The following SARM1 variants were observed in gnomAD, a reference collection of about 807,000 sequenced individuals.
SARM1 encodes sterile alpha and TIR motif containing 1, also known as NAD(+) hydrolase SARM1.
A neutral mutation model predicts 65.1 loss-of-function variants in SARM1; 60 were observed. The observed-to-expected ratio is 0.92, with a 90% CI of 0.75 to 1.14. The LOEUF (loss-of-function observed/expected upper bound fraction) is 1.14, where lower values mean the gene tolerates loss of function less well. Ranked by LOEUF, SARM1 falls within the 50% of genes most tolerant of loss-of-function variation. SARM1 has a pLI of 0.00. For missense variants in SARM1, 913 were observed against 1,015.7 expected, an observed-to-expected ratio of 0.90 and a Z score of 1.37; for synonymous variants, 417 against 465.4, an observed-to-expected ratio of 0.90 and a Z score of 1.34.
Position 28,398,526 on chromosome 17 carries a change from A to C in SARM1, c.*2240A>C, listed in dbSNP as rs1482827062. ...GGACTCAGAAGTGGCCTTTCCTCCA[A>C]AGCCTGCTCAGACACAGGTCTGTAG... is the stretch of plus-strand genomic sequence containing the variant. On this transcript the variant is annotated 3_prime_UTR_variant, in exon 9 of 9. Transcript: ENST00000585482. 6.6e-6 allele frequency: 1 copy of C among 152,190 alleles called. No individual in the cohort carries two copies. Among genetic ancestry groups the C allele is most frequent in the Non-Finnish European group, 1.5e-5 (1 of 68,084 alleles). 9.4% of individuals were successfully genotyped at this position (152,190 alleles called of 1,614,324 possible).
chr17:28,384,714 C>A lies in SARM1; in HGVS notation c.1303-125C>A. 1 of 1,204,240 alleles carries A rather than the reference C, an allele frequency of 8.3e-7. No individual in the cohort carries two copies. The highest frequency in any genetic ancestry group is 1.5e-5 in the African/African-American group (1 of 66,644). 74.6% of individuals were successfully genotyped at this position (1,204,240 alleles called of 1,614,324 possible). On this transcript the variant is annotated intron_variant, in intron 3 of 8. Transcript: ENST00000585482. This position sits in a 1 kb window ranked among gnomAD's most constrained non-coding sequence, Gnocchi z 4.4. ...CTGTACGCAGCCACCGTTAGGGTCACTCGGCTCTGATCTAGGTCCCATCCG... is the reference window on the plus strand; with the variant it reads ...CTGTACGCAGCCACCGTTAGGGTCAATCGGCTCTGATCTAGGTCCCATCCG...
rs1555585716 is a variant in SARM1, at chr17:28,384,793, AGGGC to A, written c.1303-43_1303-40del. 6.6e-7 allele frequency: 1 copy of A among 1,512,118 alleles called. No individual in the cohort carries two copies. The highest frequency in any genetic ancestry group is 1.4e-5 in the African/African-American group (1 of 72,242). 93.7% of individuals were successfully genotyped at this position (1,512,118 alleles called of 1,614,324 possible). On this transcript the variant is annotated intron_variant, in intron 3 of 8. Coordinates refer to ENST00000585482, the MANE Select transcript of SARM1 (RefSeq NM_015077.4). The surrounding 1 kb of genome is among the most constrained non-coding windows in gnomAD (Gnocchi z 4.4). Reference sequence around the variant, plus strand: ...CCTTGCATCTTGTGCTCGAGGTCCAAGGGCGGAGTAGCGAAGCCCTTCCTGACAC... The same window carrying A: ...CCTTGCATCTTGTGCTCGAGGTCCAAGGAGTAGCGAAGCCCTTCCTGACAC...
chr17:28,395,883 CTCCTT>C lies in SARM1; in HGVS notation c.1924-14_1924-10del. 1.2e-6 allele frequency: 2 copies of C among 1,612,830 alleles called. No individual in the cohort carries two copies. Among genetic ancestry groups the C allele is most frequent in the Non-Finnish European group, 1.7e-6 (2 of 1,179,854 alleles). On this transcript the variant is annotated splice_polypyrimidine_tract_variant and intron_variant, in intron 7 of 8. Transcript: ENST00000585482. ...CCTAGATGGGTACAGGGGTATCTTC[CTCCTT>C]TCCTTTCTTTCTCCAGGAGATTGTG...
chr17:28,384,394 G>T lies in SARM1; in HGVS notation c.1127G>T (p.Arg376Leu). 1 of 1,609,026 alleles carries T rather than the reference G, an allele frequency of 6.2e-7. No homozygotes were observed. Among genetic ancestry groups the T allele is most frequent in the South Asian group, 1.1e-5 (1 of 90,722 alleles). The stretch of plus-strand genomic sequence containing the variant: ...ATCGGCGCCATCCAGAGCCTGAAAC[G>T]CCTGGTTTCCTACTCTACCAATGGC... ...SDIGAIQSLKRLVSYSTNGTK... is the reference protein window; with the variant it reads ...SDIGAIQSLKLLVSYSTNGTK... Residue 376 changes from arginine (R) to leucine (L), a missense_variant, in exon 3 of 9, where the codon CGC becomes CTC. Transcript: ENST00000585482. The surrounding 1 kb of genome is among the most constrained non-coding windows in gnomAD (Gnocchi z 4.4).
At position 28,400,911 on chromosome 17, in the gene SARM1, C is replaced by T. The variant is rs371424638; in HGVS notation, c.*4625C>T. The T allele has an allele frequency of 1.5e-4, 111 of 750,316 alleles. No individual in the cohort carries two copies. Among genetic ancestry groups the T allele is most frequent in the African/African-American group, 1.4e-3 (84 of 58,078 alleles). The allele number at this position is 750,316 out of a possible 1,614,324, so 46.5% of individuals were successfully genotyped here. A position where few individuals can be genotyped will look rare whatever the true frequency, so the allele number is the denominator to read the frequency against. Reference sequence around the variant, plus strand: ...CCAGTAAATCCTGCTACATCATGTACTGTGACAAGGATTCAGTAAGGTCAT... The same window carrying T: ...CCAGTAAATCCTGCTACATCATGTATTGTGACAAGGATTCAGTAAGGTCAT... On this transcript the variant is annotated 3_prime_UTR_variant, in exon 9 of 9. Coordinates refer to ENST00000585482, the MANE Select transcript of SARM1 (RefSeq NM_015077.4).
At position 28,400,500 on chromosome 17, in the gene SARM1, A is replaced by G; in HGVS notation, c.*4214A>G. On this transcript the variant is annotated 3_prime_UTR_variant, in exon 9 of 9. Transcript: ENST00000585482. ...AGGGGCAACCTGGGACAAGACACCC[A>G]GAGGGTAAGGATTCCAGGAATGAAG... The G allele has an allele frequency of 2.8e-6, 4 of 1,428,058 alleles. No individual in the cohort carries two copies. Among genetic ancestry groups the G allele is most frequent in the Non-Finnish European group, 3.8e-6 (4 of 1,053,724 alleles). 88.5% of individuals were successfully genotyped at this position (1,428,058 alleles called of 1,614,324 possible). A position where few individuals can be genotyped will look rare whatever the true frequency, so the allele number is the denominator to read the frequency against.
At position 28,372,291 on chromosome 17, in the gene SARM1, G is replaced by A. The variant is rs998771132; in HGVS notation, c.259G>A (p.Ala87Thr). The stretch of plus-strand genomic sequence containing the variant: ...GCTGAAGCAGGCGGGCGGCGCGCGG[G>A]CCGTGGGCGCCGGCCTGGCCGAGGT... Reference protein sequence around the residue: ...SALKQAGGARAVGAGLAEVFQ... With the variant: ...SALKQAGGARTVGAGLAEVFQ... Residue 87 changes from alanine (A) to threonine (T), a missense_variant, in exon 1 of 9, where the codon GCC becomes ACC. Ala to Thr is a moderately conservative substitution (Grantham distance 58). Around this residue, in one of 3 missense-constraint regions of SARM1, gnomAD observed 862 missense variants for 952.1 expected, o/e 0.91. Transcript: ENST00000585482. This position sits in a 1 kb window ranked among gnomAD's most constrained non-coding sequence, Gnocchi z 5.2. 6 of 1,400,528 alleles carry A rather than the reference G, an allele frequency of 4.3e-6. No individual in the cohort carries two copies. The highest frequency in any genetic ancestry group is 3.0e-5 in the East Asian group (1 of 33,192). The allele number at this position is 1,400,528 out of a possible 1,614,324, so 86.8% of individuals were successfully genotyped here. A position where few individuals can be genotyped will look rare whatever the true frequency, so the allele number is the denominator to read the frequency against.
At chr17:28,381,857 T>C in intron 2 of SARM1, 36 bp downstream of exon 2, 1 of 1,401,340 alleles carries the variant, frequency 7.1e-7, no homozygotes, top group African/African-American at 1.5e-5. Context: ...GATCAGGGGT[T>C]AGAGAGCCTT....
rs2068168490 is a variant in SARM1, at chr17:28,399,432, C to T, written c.*3146C>T. ...CCAAATAGCTCCTCTGCCACCTGTC[C>T]TGCAGTGGGCCTGTGTGGGTTATGA... On this transcript the variant is annotated 3_prime_UTR_variant, in exon 9 of 9. Coordinates refer to ENST00000585482, the MANE Select transcript of SARM1 (RefSeq NM_015077.4). 1 of 573,188 alleles carries T rather than the reference C, an allele frequency of 1.7e-6. No individual in the cohort carries two copies. Among genetic ancestry groups the T allele is most frequent in the East Asian group, 2.9e-5 (1 of 34,278 alleles). The allele number at this position is 573,188 out of a possible 1,614,324, so 35.5% of individuals were successfully genotyped here.
rs922896886 is a variant in SARM1 at position 28,384,943 on chromosome 17, C to T, written c.1394+13C>T. ...TCACCCGCAAGAGGTACGGAGCCTC[C>T]TGCCCGCCGGACCCCAGCTAGGTCT... On this transcript the variant is annotated intron_variant, in intron 4 of 8. Coordinates refer to ENST00000585482, the MANE Select transcript of SARM1 (RefSeq NM_015077.4). This position sits in a 1 kb window ranked among gnomAD's most constrained non-coding sequence, Gnocchi z 4.4. The T allele has an allele frequency of 6.4e-7, 1 of 1,572,732 alleles. No homozygotes were observed. Among genetic ancestry groups the T allele is most frequent in the Non-Finnish European group, 8.6e-7 (1 of 1,158,816 alleles).
At position 28,399,713 on chromosome 17, in the gene SARM1, C is replaced by T; in HGVS notation, c.*3427C>T. Reference sequence around the variant, plus strand: ...GGTGAGGATCAGCCTTTTCCAGCATCCTGTGAGAGACCAGAGAGAGAGTTT... The same window carrying T: ...GGTGAGGATCAGCCTTTTCCAGCATTCTGTGAGAGACCAGAGAGAGAGTTT... On this transcript the variant is annotated 3_prime_UTR_variant, in exon 9 of 9. Coordinates refer to ENST00000585482, the MANE Select transcript of SARM1 (RefSeq NM_015077.4). 1 of 1,613,920 alleles carries T rather than the reference C, an allele frequency of 6.2e-7. No individual in the cohort carries two copies. Among genetic ancestry groups the T allele is most frequent in the East Asian group, 2.2e-5 (1 of 44,884 alleles).
intron 7 of SARM1, among the ~76,000 whole-genome samples, chr17:28,391,921 T>C (rs2142437324): frequency 6.7e-6 from 1 of 148,176 alleles, no homozygotes; most frequent in Non-Finnish European, 1.5e-5. Flanking sequence ...GGTTTCGCTA[T>C]GTCACCCAGG....
Position 28,385,448 on chromosome 17 carries a change from A to T in SARM1, c.1630+173A>T. On this transcript the variant is annotated intron_variant, in intron 5 of 8. Coordinates refer to ENST00000585482, the MANE Select transcript of SARM1 (RefSeq NM_015077.4). The surrounding 1 kb of genome is among the most constrained non-coding windows in gnomAD (Gnocchi z 4.5). The stretch of plus-strand genomic sequence containing the variant: ...AGATGAATACGTTGCACTTTACCTC[A>T]AGAAGTTCCCAGTCTGAGGTGGGTA... 5.0e-6 allele frequency: 3 copies of T among 598,604 alleles called. No individual in the cohort carries two copies. In the South Asian group the frequency reaches 6.4e-5, roughly 13 times the overall value. 37.1% of individuals were successfully genotyped at this position (598,604 alleles called of 1,614,324 possible).
At chr17:28,375,470 T>TA (rs1225979543) in intron 1 of SARM1, among the ~76,000 whole-genome samples, 18 of 151,926 alleles carry the variant, frequency 1.2e-4, no homozygotes, top group African/African-American at 4.4e-4. Context: ...TGATGACGTG[T>TA]GCCTGTAATC....
At chr17:28,378,871 A>T (rs1299893784) in intron 1 of SARM1, among the ~76,000 whole-genome samples, 5 of 151,946 alleles carry the variant, frequency 3.3e-5, no homozygotes, top group Non-Finnish European at 7.4e-5. Flanking sequence ...TGCCCAGGCT[A>T]TGTTGTCCAG....
intron 5 of SARM1, chr17:28,387,920 A>T: frequency 1.9e-6 from 1 of 514,678 alleles, no homozygotes; most frequent in East Asian, 3.1e-5. Flanking sequence ...CTGGAGTTCC[A>T]GAGAGAGGTC....
At position 28,384,324 on chromosome 17, in the gene SARM1, G is replaced by A; in HGVS notation, c.1090-33G>A. On this transcript the variant is annotated intron_variant, in intron 2 of 8. Coordinates refer to ENST00000585482, the MANE Select transcript of SARM1 (RefSeq NM_015077.4). This position sits in a 1 kb window ranked among gnomAD's most constrained non-coding sequence, Gnocchi z 4.4. ...TGTGGGAGCACCTGGAGAGCTGGTG[G>A]GACCTACAGCCCTCTCCCCACTCCC... The A allele has an allele frequency of 6.6e-7, 1 of 1,510,748 alleles. No individual in the cohort carries two copies. The highest frequency in any genetic ancestry group is 8.9e-7 in the Non-Finnish European group (1 of 1,122,114). The allele number at this position is 1,510,748 out of a possible 1,614,324, so 93.6% of individuals were successfully genotyped here. A position where few individuals can be genotyped will look rare whatever the true frequency, so the allele number is the denominator to read the frequency against.
rs2067960364 is a variant in SARM1, at chr17:28,372,155, A to C, written c.123A>C (p.Pro41=). ...PGPDGGGGTG[P]WWAAGGRGPR... Reference sequence around the variant, plus strand: ...CAGATGGGGGCGGTGGCACGGGCCCATGGTGGGCTGCGGGTGGCCGCGGGC... The same window carrying C: ...CAGATGGGGGCGGTGGCACGGGCCCCTGGTGGGCTGCGGGTGGCCGCGGGC... The change falls in exon 1 of 9, where the codon CCA becomes CCC. Residue 41 remains proline, a synonymous_variant. Transcript: ENST00000585482. The surrounding 1 kb of genome is among the most constrained non-coding windows in gnomAD (Gnocchi z 5.2). 1 of 1,388,840 alleles carries C rather than the reference A, an allele frequency of 7.2e-7. No individual in the cohort carries two copies. Among genetic ancestry groups the C allele is most frequent in the Non-Finnish European group, 9.2e-7 (1 of 1,081,710 alleles). 86.0% of individuals were successfully genotyped at this position (1,388,840 alleles called of 1,614,324 possible).
chr17:28,399,536 G>T lies in SARM1; in HGVS notation c.*3250G>T, dbSNP rs782230226. 34 of 994,004 alleles carry T rather than the reference G, an allele frequency of 3.4e-5. No homozygotes were observed. Among genetic ancestry groups the T allele is most frequent in the Non-Finnish European group, 5.3e-5 (34 of 645,618 alleles). The allele number at this position is 994,004 out of a possible 1,614,324, so 61.6% of individuals were successfully genotyped here. ...CTCTCTTGACTACCTCGTCCAAAGA[G>T]AGCACTGCCCTTAGACAAGAGTTGC... On this transcript the variant is annotated 3_prime_UTR_variant, in exon 9 of 9. Coordinates refer to ENST00000585482, the MANE Select transcript of SARM1 (RefSeq NM_015077.4).
Sources: allele counts gnomAD v4.1 joint callset (sites outside exome capture counted in the v4.1 genomes callset), GRCh38; gene constraint gnomAD v4.1.1; regional missense constraint gnomAD v4.1.1; non-coding constraint Gnocchi (gnomAD v3.1); transcripts MANE v1.5; gene names NCBI Gene and HGNC (gene_info 2026-07-23, HGNC 2026-07-21).